The following KHDRBS3 variants were observed in gnomAD, a reference collection of about 807,000 sequenced individuals.
KHDRBS3 encodes KH domain-containing, RNA-binding, signal transduction-associated protein 3.
In KHDRBS3, 23 loss-of-function variants were observed where a neutral mutation model predicts 45.6. That is an observed-to-expected ratio of 0.50 (90% CI 0.36 to 0.72). The LOEUF is 0.72. Among genes scored for constraint, KHDRBS3 ranks in the 30% least tolerant of loss-of-function variants. The pLI is 0.00. For synonymous variants in KHDRBS3, 162 were observed against 156.5 expected (o/e 1.04, Z -0.26); for missense variants, 352 against 424.8 (o/e 0.83, Z 1.51).
chr8:135,479,316 T>G (rs188249914), intron 1 of KHDRBS3, among the ~76,000 whole-genome samples: 2 of 152,324 alleles, frequency 1.3e-5, no homozygotes, highest in East Asian at 3.9e-4. Flanking sequence ...AAAAACCTAC[T>G]CGTTAAGAAA....
chr8:135,614,013 A>T (rs1285889862), intron 7 of KHDRBS3, among the ~76,000 whole-genome samples: 1 of 61,220 alleles, frequency 1.6e-5, no homozygotes, highest in Non-Finnish European at 5.1e-5. Context: ...GAATTCCCAT[A>T]AAAAAATTCA....
At chr8:135,476,821 A>G (rs926056676) in intron 1 of KHDRBS3, among the ~76,000 whole-genome samples, 5 of 152,220 alleles carry the variant, frequency 3.3e-5, no homozygotes, top group African/African-American at 1.2e-4. Flanking sequence ...GAGTAAGGAT[A>G]AAAAAGGTAA....
chr8:135,502,497 T>C (rs1272128334), intron 1 of KHDRBS3, among the ~76,000 whole-genome samples: 3 of 152,234 alleles, frequency 2.0e-5, no homozygotes, highest in Admixed American at 6.5e-5. Flanking sequence ...TTGTCTTCTA[T>C]ATATATTGTA....
chr8:135,458,842 C>A, intron 1 of KHDRBS3: 1 of 455,796 alleles, frequency 2.2e-6, no homozygotes. Flanking sequence ...TGGAGGCACG[C>A]CTACCCGGGA....
intron 7 of KHDRBS3, among the ~76,000 whole-genome samples, chr8:135,615,893 A>G (rs2131065232): frequency 6.6e-6 from 1 of 152,278 alleles, no homozygotes; most frequent in South Asian, 2.1e-4. Context: ...TGAAAGTTTG[A>G]TTAGATGAGT....
At position 135,647,120 on chromosome 8, in the gene KHDRBS3, A is replaced by C; in HGVS notation, c.*36A>C. ...TGATGTTGTGAAATAGCCAATCTCCACCAGTCCTGTATACTGTTCAAAGTA... is the reference window on the plus strand; with the variant it reads ...TGATGTTGTGAAATAGCCAATCTCCCCCAGTCCTGTATACTGTTCAAAGTA... On this transcript the variant is annotated 3_prime_UTR_variant, in exon 9 of 9. Coordinates refer to ENST00000355849, the MANE Select transcript of KHDRBS3 (RefSeq NM_006558.3). 9.0e-7 allele frequency: 1 copy of C among 1,110,852 alleles called. No individual in the cohort carries two copies. The highest frequency in any genetic ancestry group is 1.4e-6 in the Non-Finnish European group (1 of 721,732). The allele number at this position is 1,110,852 out of a possible 1,614,324, so 68.8% of individuals were successfully genotyped here.
At chr8:135,583,936 T>A (rs951745797) in intron 6 of KHDRBS3, among the ~76,000 whole-genome samples, 5 of 152,220 alleles carry the variant, frequency 3.3e-5, no homozygotes, top group African/African-American at 1.2e-4. Context: ...TTGTTTTATT[T>A]ATTTTTTATT....
chr8:135,587,020 T>C (rs1168009666), intron 6 of KHDRBS3, among the ~76,000 whole-genome samples: 1 of 152,222 alleles, frequency 6.6e-6, no homozygotes, highest in East Asian at 1.9e-4. Context: ...AAGAAAAATT[T>C]AGTCAACGGT....
chr8:135,537,233 T>G (rs573068240), intron 2 of KHDRBS3, among the ~76,000 whole-genome samples: 3 of 152,248 alleles, frequency 2.0e-5, no homozygotes, highest in Non-Finnish European at 4.4e-5. Flanking sequence ...TGGCGGAGTT[T>G]CCAAGTTCAG....
At chr8:135,637,599 T>C (rs544493386) in intron 7 of KHDRBS3, among the ~76,000 whole-genome samples, 2 of 152,278 alleles carry the variant, frequency 1.3e-5, no homozygotes, top group African/African-American at 2.4e-5. Context: ...TTACTACCCC[T>C]TCGCCCACCC....
At chr8:135,485,297 A>G (rs2130360692) in intron 1 of KHDRBS3, among the ~76,000 whole-genome samples, 1 of 152,378 alleles carries the variant, frequency 6.6e-6, no homozygotes, top group Non-Finnish European at 1.5e-5. Context: ...CTCTGGGAAG[A>G]GAAAACAATA....
intron 7 of KHDRBS3, among the ~76,000 whole-genome samples, chr8:135,612,126 GC>G (rs1447425748): frequency 6.6e-6 from 1 of 151,742 alleles, no homozygotes; most frequent in Non-Finnish European, 1.5e-5. Context: ...GAGAAGTAAA[GC>G]CCAAAGAAAT....
downstream of KHDRBS3, among the ~76,000 whole-genome samples, chr8:135,649,181 A>AT (rs1389900015): frequency 6.6e-6 from 1 of 152,092 alleles, no homozygotes; most frequent in Non-Finnish European, 1.5e-5. Flanking sequence ...CTCTTTTTAC[A>AT]TTTTCTTGAT....
chr8:135,606,161 G>A (rs1829453108), intron 6 of KHDRBS3, among the ~76,000 whole-genome samples: 1 of 151,862 alleles, frequency 6.6e-6, no homozygotes, highest in South Asian at 2.1e-4. Context: ...TGCCTATTGG[G>A]ACTCATGCTT....
intron 1 of KHDRBS3, among the ~76,000 whole-genome samples, chr8:135,483,529 G>A (rs113087750): frequency 1.2e-4 from 19 of 152,204 alleles, no homozygotes; most frequent in African/African-American, 3.9e-4. Flanking sequence ...CTGGAACTAA[G>A]TAGTATAAAG....
intron 4 of KHDRBS3, among the ~76,000 whole-genome samples, chr8:135,654,627 A>T (rs1405292828): frequency 1.3e-5 from 2 of 152,196 alleles, no homozygotes; most frequent in Non-Finnish European, 2.9e-5. Context: ...TCTGTGTCTT[A>T]TGGGGAGAGC....
intron 2 of KHDRBS3, among the ~76,000 whole-genome samples, chr8:135,533,722 A>G (rs2130723991): frequency 6.6e-6 from 1 of 152,344 alleles, no homozygotes; most frequent in Admixed American, 6.5e-5. Flanking sequence ...ATCCTCGCTT[A>G]CAATGGGGTT....
chr8:135,504,865 T>C (rs1401815261), intron 1 of KHDRBS3, among the ~76,000 whole-genome samples: 1 of 152,156 alleles, frequency 6.6e-6, no homozygotes, highest in Non-Finnish European at 1.5e-5. Context: ...GATGCCATTT[T>C]CTCAAACTTT....
At chr8:135,573,459 T>TG (rs1827801801) in intron 5 of KHDRBS3, among the ~76,000 whole-genome samples, 1 of 152,232 alleles carries the variant, frequency 6.6e-6, no homozygotes, top group African/African-American at 2.4e-5. Context: ...GAAGTCTGTG[T>TG]ACTAATTACC....
Sources: allele counts gnomAD v4.1 joint callset (sites outside exome capture counted in the v4.1 genomes callset), GRCh38; gene constraint gnomAD v4.1.1; transcripts MANE v1.5; gene names NCBI Gene and HGNC (gene_info 2026-07-23, HGNC 2026-07-21).